The following PACRG variants were observed in gnomAD, a reference collection of about 807,000 sequenced individuals.
PACRG encodes the protein parkin coregulated gene protein.
In PACRG, 29 loss-of-function variants were observed where a neutral mutation model predicts 29.7. That is an observed-to-expected ratio of 0.98 (90% confidence interval 0.73 to 1.33). The LOEUF (loss-of-function observed/expected upper bound fraction) is 1.33, where lower values mean the gene tolerates loss of function less well. PACRG is among the 40% of genes most tolerant of loss of function. The probability of loss-of-function intolerance (pLI) is 0.00; values close to 1 mark genes in which losing one functional copy is unlikely to be tolerated. For synonymous variants in PACRG, 116 were observed against 118.7 expected (o/e 0.98, Z 0.15); for missense variants, 279 against 316.2 (o/e 0.88, Z 0.89).
chr6:163,306,973 G>A (rs1204429657), intron 4 of PACRG, among the ~76,000 whole-genome samples: 2 of 152,188 alleles, frequency 1.3e-5, no homozygotes, highest in African/African-American at 2.4e-5. Flanking sequence ...TAGCTAGTGA[G>A]TTATTGAATA....
chr6:162,903,006 G>T (rs1212288299), intron 2 of PACRG, among the ~76,000 whole-genome samples: 1 of 152,068 alleles, frequency 6.6e-6, no homozygotes. Context: ...CCCAGCTGTT[G>T]GAGTAAAGCA....
chr6:162,900,322 A>G (rs1038342994), intron 2 of PACRG, among the ~76,000 whole-genome samples: 18 of 152,070 alleles, frequency 1.2e-4, no homozygotes, highest in African/African-American at 4.3e-4. Flanking sequence ...TCTTGCCTCA[A>G]ACTTTCCATA....
At chr6:162,945,092 GA>G (rs970563850) in intron 2 of PACRG, among the ~76,000 whole-genome samples, 2 of 150,068 alleles carry the variant, frequency 1.3e-5, no homozygotes, top group East Asian at 1.9e-4. Context: ...CATTAACAGA[GA>G]AAAAAAAAGA....
At chr6:163,245,496 G>T (rs922919985) in intron 4 of PACRG, among the ~76,000 whole-genome samples, 1 of 152,164 alleles carries the variant, frequency 6.6e-6, no homozygotes, top group Non-Finnish European at 1.5e-5. Flanking sequence ...AGAGCCGCAC[G>T]TTAATATGGT....
intron 1 of PACRG, among the ~76,000 whole-genome samples, chr6:162,796,996 G>T (rs1785433503): frequency 6.6e-6 from 1 of 152,202 alleles, no homozygotes; most frequent in Non-Finnish European, 1.5e-5. Flanking sequence ...TATTTATCTG[G>T]CTGGGCACAG....
At chr6:162,899,891 C>A (rs1795433352) in intron 2 of PACRG, among the ~76,000 whole-genome samples, 1 of 152,160 alleles carries the variant, frequency 6.6e-6, no homozygotes, top group Non-Finnish European at 1.5e-5. Context: ...ATAACCTGTT[C>A]CAGGTCTGAG....
chr6:163,043,002 A>G (rs1808898873), intron 2 of PACRG: 1 of 152,206 alleles, frequency 6.6e-6, no homozygotes, highest in Non-Finnish European at 1.5e-5. Context: ...TAGATTTATT[A>G]TTATACGCAA....
intron 2 of PACRG, among the ~76,000 whole-genome samples, chr6:162,883,684 CTGTGTGTG>C (rs144543802): frequency 4.1e-5 from 6 of 145,848 alleles, no homozygotes; most frequent in African/African-American, 1.0e-4. Flanking sequence ...TTTTCAAAAA[CTGTGTGTG>C]TGTGTGTGTG....
chr6:163,102,295 T>C (rs2128314459), intron 4 of PACRG, among the ~76,000 whole-genome samples: 1 of 152,362 alleles, frequency 6.6e-6, no homozygotes, highest in South Asian at 2.1e-4. Context: ...AATCCAGCAC[T>C]GATGGCAGAC....
At chr6:162,847,583 T>TG (rs771595735) in intron 2 of PACRG, among the ~76,000 whole-genome samples, 8 of 151,460 alleles carry the variant, frequency 5.3e-5, no homozygotes, top group Non-Finnish European at 1.2e-4. Context: ...GATACAGGTA[T>TG]GGGAACAGTT....
At chr6:163,239,184 T>A (rs35670910) in intron 4 of PACRG, among the ~76,000 whole-genome samples, 40,880 of 152,106 alleles carry the variant, frequency 0.27, 5,943 homozygotes, top group Middle Eastern at 0.35. Flanking sequence ...TGGGTTTTCA[T>A]GACAAGCAAA....
chr6:163,039,043 G>A (rs1808456795), intron 2 of PACRG, among the ~76,000 whole-genome samples: 1 of 152,200 alleles, frequency 6.6e-6, no homozygotes, highest in Admixed American at 6.5e-5. Context: ...TTATCCCTGT[G>A]TGTCGAGGGA....
chr6:162,887,988 C>G (rs998047656), intron 2 of PACRG, among the ~76,000 whole-genome samples: 2 of 152,162 alleles, frequency 1.3e-5, no homozygotes, highest in Non-Finnish European at 2.9e-5. Flanking sequence ...AAGTTCCCAG[C>G]AGGTTCAGTG....
chr6:163,177,049 T>C (rs1397959521), intron 4 of PACRG, among the ~76,000 whole-genome samples: 1 of 152,146 alleles, frequency 6.6e-6, no homozygotes, highest in Admixed American at 6.5e-5. Flanking sequence ...AGACTGTTGC[T>C]GTATCCGGGA....
At chr6:163,092,240 A>G (rs1184923487) in intron 4 of PACRG, among the ~76,000 whole-genome samples, 2 of 152,218 alleles carry the variant, frequency 1.3e-5, no homozygotes, top group Admixed American at 6.5e-5. Flanking sequence ...TTAATGTCAC[A>G]TGAACTTCCT....
chr6:163,027,280 C>T (rs1230866230), intron 2 of PACRG, among the ~76,000 whole-genome samples: 2 of 152,096 alleles, frequency 1.3e-5, no homozygotes, highest in East Asian at 1.9e-4. Flanking sequence ...CCTCAAGGTT[C>T]GTCTGACTGC....
chr6:162,794,164 CAT>C (rs1389412106), intron 1 of PACRG, among the ~76,000 whole-genome samples: 3 of 152,044 alleles, frequency 2.0e-5, no homozygotes, highest in Non-Finnish European at 4.4e-5. Context: ...CATCTAGTAA[CAT>C]AAAGATGTTT....
intron 4 of PACRG, among the ~76,000 whole-genome samples, chr6:163,202,126 C>T (rs1398368787): frequency 6.6e-6 from 1 of 152,146 alleles, no homozygotes; most frequent in Non-Finnish European, 1.5e-5. Flanking sequence ...CAGGGGAAGC[C>T]GTCCTGTCCC....
intron 1 of PACRG, among the ~76,000 whole-genome samples, chr6:162,739,999 T>G (rs1443282945): frequency 6.6e-6 from 1 of 152,166 alleles, no homozygotes; most frequent in Non-Finnish European, 1.5e-5. Flanking sequence ...AGGTAAGGCT[T>G]TCTTTTGATC....
Sources: allele counts gnomAD v4.1 joint callset (sites outside exome capture counted in the v4.1 genomes callset), GRCh38; gene constraint gnomAD v4.1.1; transcripts MANE v1.5; gene names NCBI Gene and HGNC (gene_info 2026-07-23, HGNC 2026-07-21).